DOCK10: variants seen among roughly 807,000 people sequenced by gnomAD.
DOCK10 encodes the protein dedicator of cytokinesis protein 10.
Under a neutral mutation model 280.1 loss-of-function variants are expected in DOCK10, and 145 were observed. That is an observed-to-expected ratio of 0.52 (90% CI 0.45 to 0.59). The LOEUF is 0.59. Among genes scored for constraint, DOCK10 ranks in the 20% least tolerant of loss-of-function variants. The pLI is 0.00. For synonymous variants in DOCK10, 915 were observed against 942.2 expected (o/e 0.97, Z 0.53); for missense variants, 2,368 against 2,651.7 (o/e 0.89, Z 2.35).
chr2:224,908,150 C>T (rs1050563045), intron 3 of DOCK10, among the ~76,000 whole-genome samples: 3 of 147,758 alleles, frequency 2.0e-5, no homozygotes, highest in Admixed American at 1.4e-4. Context: ...TTGGCTTCTG[C>T]CCTGATTTAA....
intron 1 of DOCK10, among the ~76,000 whole-genome samples, chr2:225,035,574 A>ATTATATATATATATATATATATATATAT (rs1316634645): frequency 1.3e-5 from 1 of 78,082 alleles, no homozygotes. Flanking sequence ...ATATATATAT[A>ATTATATATATATATATATATATATATAT]TATATATATA....
intron 24 of DOCK10, 52 bp from the exon 25 acceptor site, chr2:224,837,883 C>A: frequency 2.8e-6 from 4 of 1,417,344 alleles, no homozygotes; most frequent in Non-Finnish European, 3.0e-6. Context: ...AGAAAAACCC[C>A]GCTTTAGTTT....
intron 30 of DOCK10, among the ~76,000 whole-genome samples, chr2:224,815,188 C>G (rs1482175409): frequency 6.6e-6 from 1 of 152,138 alleles, no homozygotes; most frequent in East Asian, 1.9e-4. Context: ...ACTTCCTGCT[C>G]TCTCCCTTTC....
chr2:224,872,038 T>A (rs114308378), intron 11 of DOCK10, among the ~76,000 whole-genome samples: 1 of 152,168 alleles, frequency 6.6e-6, no homozygotes, highest in African/African-American at 2.4e-5. Context: ...ATTTGGAGAA[T>A]GAATAAACCT....
At chr2:224,930,666 C>T (rs1309388402) in intron 2 of DOCK10, among the ~76,000 whole-genome samples, 2 of 151,952 alleles carry the variant, frequency 1.3e-5, no homozygotes, top group East Asian at 3.8e-4. Flanking sequence ...AATGTGTGGG[C>T]ACTGAGACCC....
intron 1 of DOCK10, among the ~76,000 whole-genome samples, chr2:225,006,335 C>T (rs1689251179): frequency 6.6e-6 from 1 of 152,204 alleles, no homozygotes; most frequent in African/African-American, 2.4e-5. Context: ...TTCAAAATCT[C>T]CCTCAAGTTC....
At position 224,943,798 on chromosome 2, in the gene DOCK10, C is replaced by G. The variant is rs1457653947; in HGVS notation, c.124-12130G>C. ...TTTTTTTTTGAGTCAGAGTCTTGCT[C>G]TGTTTCCCAGGCTGGGGTGCAGTGG... On this transcript the variant is annotated intron_variant, in intron 1 of 55. Transcript: ENST00000258390. 2.4e-5 allele frequency among the ~76,000 whole-genome samples: 3 copies of G among 124,072 alleles called. No homozygotes were observed. In the East Asian group the frequency reaches 7.1e-4, roughly 30 times the overall value. 81.4% of individuals were successfully genotyped at this position (124,072 alleles called of 152,430 possible).
chr2:224,847,741 G>A (rs892857528), intron 19 of DOCK10, among the ~76,000 whole-genome samples: 5 of 152,064 alleles, frequency 3.3e-5, no homozygotes, highest in Admixed American at 3.3e-4. Flanking sequence ...AGCACTAAAC[G>A]CATATGGAAG....
At chr2:224,871,843 T>C (rs1559617485) in intron 11 of DOCK10, among the ~76,000 whole-genome samples, 1 of 152,316 alleles carries the variant, frequency 6.6e-6, no homozygotes, top group East Asian at 1.9e-4. Context: ...CATCTCTCCA[T>C]ATTTATTTCT....
At chr2:224,862,821 C>G (rs1221514802) in intron 13 of DOCK10, 75 bp from the exon 14 acceptor site, 1 of 900,308 alleles carries the variant, frequency 1.1e-6, no homozygotes, top group Non-Finnish European at 1.6e-6. Context: ...ATACTAAATA[C>G]TTTTTCATAT....
At chr2:224,772,047 A>G (rs903983373) in intron 53 of DOCK10, among the ~76,000 whole-genome samples, 1 of 151,854 alleles carries the variant, frequency 6.6e-6, no homozygotes, top group Non-Finnish European at 1.5e-5. Flanking sequence ...CAGCCTCCCA[A>G]CTAGCTGGGA....
At chr2:224,812,923 A>C (rs896058231) in intron 31 of DOCK10, among the ~76,000 whole-genome samples, 1 of 152,072 alleles carries the variant, frequency 6.6e-6, no homozygotes, top group Non-Finnish European at 1.5e-5. Context: ...ATCAATGTTC[A>C]TCAAGGATAT....
rs1260860525 is a variant in DOCK10 at position 224,909,010 on chromosome 2, C to T, written c.333+7685G>A. Among the ~76,000 whole-genome samples the T allele has an allele frequency of 3.3e-5, 5 of 152,262 alleles. No individual in the cohort carries two copies. In the East Asian group the frequency reaches 9.7e-4, roughly 29 times the overall value. ...CTCTCAGCCATTCAGCTGAAGTGGT[C>T]CCTAGACCTTTGTTCCCTCTTGAGC... On this transcript the variant is annotated intron_variant, in intron 3 of 55. Coordinates refer to ENST00000258390, the MANE Select transcript of DOCK10 (RefSeq NM_014689.3).
chr2:224,913,712 T>C (rs1262781392), intron 3 of DOCK10, among the ~76,000 whole-genome samples: 3 of 146,000 alleles, frequency 2.1e-5, no homozygotes, highest in African/African-American at 5.2e-5. Flanking sequence ...TTTTGTTTGT[T>C]TGTCTGTTTA....
chr2:224,926,668 G>C (rs982946311), intron 2 of DOCK10, among the ~76,000 whole-genome samples: 1 of 152,240 alleles, frequency 6.6e-6, no homozygotes, highest in Non-Finnish European at 1.5e-5. Context: ...GATATGTTGA[G>C]TTGAGTTGTG....
chr2:225,018,358 T>C (rs1403697417), intron 1 of DOCK10, among the ~76,000 whole-genome samples: 1 of 151,520 alleles, frequency 6.6e-6, no homozygotes, highest in African/African-American at 2.4e-5. Flanking sequence ...CCGAGTGATA[T>C]GCGTAACGTG....
chr2:224,971,628 T>C (rs944592022), intron 1 of DOCK10, among the ~76,000 whole-genome samples: 2 of 152,240 alleles, frequency 1.3e-5, no homozygotes, highest in Non-Finnish European at 2.9e-5. Flanking sequence ...ACTAAATCTT[T>C]AATTTTACTT....
At chr2:224,811,689 C>T (rs909497699) in intron 31 of DOCK10, among the ~76,000 whole-genome samples, 4 of 152,150 alleles carry the variant, frequency 2.6e-5, no homozygotes, top group Admixed American at 2.0e-4. Flanking sequence ...GATCCAGTTT[C>T]AGCTTTCTAT....
chr2:225,010,003 G>A (rs538768636), intron 1 of DOCK10, among the ~76,000 whole-genome samples: 1 of 152,230 alleles, frequency 6.6e-6, no homozygotes, highest in South Asian at 2.1e-4. Context: ...ATTTTTTCAT[G>A]TGGCTAAGGA....
Sources: gnomAD v4.1 joint callset for allele counts (sites outside exome capture counted in the v4.1 genomes callset) on GRCh38, gnomAD v4.1.1 for gene constraint, MANE v1.5 for transcripts, NCBI Gene and HGNC (gene_info 2026-07-23, HGNC 2026-07-21) for gene names.